Variants in NR1H3 observed in about 807,000 individuals in gnomAD.
NR1H3 encodes the protein oxysterols receptor LXR-alpha.
Under a neutral mutation model 48.1 loss-of-function variants are expected in NR1H3, and 19 were observed. The observed-to-expected ratio is 0.40, with a 90% CI of 0.28 to 0.58. The LOEUF (loss-of-function observed/expected upper bound fraction) is 0.58. NR1H3 is among the 20% of genes least tolerant of loss of function. The pLI, the probability that NR1H3 is intolerant of heterozygous loss-of-function variation, is 0.50. For missense variants in NR1H3, 486 were observed against 595.9 expected (o/e 0.82, Z 1.92); for synonymous variants, 232 against 227.3 (o/e 1.02, Z -0.19).
upstream of NR1H3, among the ~76,000 whole-genome samples, chr11:47,254,770 C>T (rs1017926961): frequency 2.3e-4 from 35 of 152,166 alleles, no homozygotes; most frequent in African/African-American, 8.2e-4. Context: ...CTCTCCCACC[C>T]TGTGCTTCCT....
At chr11:47,257,155 G>A (rs1955261213), upstream of NR1H3, among the ~76,000 whole-genome samples, 1 of 152,188 alleles carries the variant, frequency 6.6e-6, no homozygotes, top group Non-Finnish European at 1.5e-5. Flanking sequence ...AAAATATGAT[G>A]TCTACTTTCA....
chr11:47,254,878 T>C (rs916814787), upstream of NR1H3, among the ~76,000 whole-genome samples: 1 of 152,206 alleles, frequency 6.6e-6, no homozygotes, highest in Non-Finnish European at 1.5e-5. Flanking sequence ...TCTTTCCCTG[T>C]TTCCTGTGTT....
chr11:47,268,105 G>A (rs1272562120), intron 8 of NR1H3, 79 bp downstream of exon 8: 2 of 1,214,448 alleles, frequency 1.6e-6, no homozygotes, highest in Middle Eastern at 2.2e-4. Context: ...TCGGTGGGGG[G>A]AGGGGGGTGG....
intron 1 of NR1H3, among the ~76,000 whole-genome samples, chr11:47,249,593 C>T (rs1162862468): frequency 2.0e-5 from 3 of 152,094 alleles, no homozygotes; most frequent in Non-Finnish European, 2.9e-5. Context: ...AAGGGACAGG[C>T]GCATATCATA....
chr11:47,258,610 A>G (rs1955472004), intron 1 of NR1H3: 1 of 152,404 alleles, frequency 6.6e-6, no homozygotes, highest in Non-Finnish European at 1.5e-5. Flanking sequence ...GTGTGACCAT[A>G]GTTACTTAAT....
chr11:47,251,618 A>T (rs1005445951), intron 1 of NR1H3, among the ~76,000 whole-genome samples: 50 of 152,274 alleles, frequency 3.3e-4, no homozygotes, highest in African/African-American at 1.1e-3. Context: ...TCTCAAAAAA[A>T]AAAATAAAAT....
chr11:47,248,316 A>C, upstream of NR1H3: 3 of 1,054,476 alleles, frequency 2.8e-6, no homozygotes, highest in Non-Finnish European at 4.0e-6. Context: ...AACTTAGCTA[A>C]GCAATGCTAC....
chr11:47,250,821 G>C (rs976677664), intron 1 of NR1H3, among the ~76,000 whole-genome samples: 2 of 152,228 alleles, frequency 1.3e-5, no homozygotes. Flanking sequence ...GAAGTGACTT[G>C]CCCAAATTCA....
chr11:47,249,195 G>A (rs1335285845), intron 1 of NR1H3, among the ~76,000 whole-genome samples: 1 of 152,180 alleles, frequency 6.6e-6, no homozygotes, highest in South Asian at 2.1e-4. Context: ...TGAGGCGAGG[G>A]ATGGGAAAGT....
At chr11:47,258,318 CTA>C (rs903936966) in intron 1 of NR1H3, 189 bp downstream of exon 1, 4 of 484,152 alleles carry the variant, frequency 8.3e-6, no homozygotes, top group Non-Finnish European at 1.1e-5. Context: ...AGGAGGTCCT[CTA>C]TGTGAATTGG....
chr11:47,259,154 G>GAGTA, intron 1 of NR1H3, 26 bp from the exon 2 acceptor site: 1 of 1,613,784 alleles, frequency 6.2e-7, no homozygotes, highest in African/African-American at 1.3e-5. Context: ...AGTTCTAGAA[G>GAGTA]AGTATAATCT....
intron 1 of NR1H3, among the ~76,000 whole-genome samples, chr11:47,249,415 C>G (rs367563690): frequency 2.0e-4 from 30 of 152,284 alleles, no homozygotes; most frequent in African/African-American, 7.0e-4. Flanking sequence ...AGTCCTTTCC[C>G]TGTCCTCCCT....
intron 6 of NR1H3, 61 bp downstream of exon 6, chr11:47,261,787 C>T: frequency 6.2e-7 from 1 of 1,610,430 alleles, no homozygotes; most frequent in South Asian, 1.1e-5. Context: ...GTGGGAGGGG[C>T]CTCCAGACAT....
At chr11:47,261,827 GC>G (rs1955905433) in intron 6 of NR1H3, 91 bp from the exon 7 acceptor site, 1 of 1,599,670 alleles carries the variant, frequency 6.3e-7, no homozygotes, top group Admixed American at 1.7e-5. Context: ...CTGCTGGGAA[GC>G]AGGGATGAGG....
At chr11:47,264,347 C>T (rs1225685848) in intron 7 of NR1H3, among the ~76,000 whole-genome samples, 2 of 152,224 alleles carry the variant, frequency 1.3e-5, no homozygotes, top group African/African-American at 4.8e-5. Context: ...GTGCCTCTTG[C>T]TCTCCCAACG....
At chr11:47,248,828 C>G, upstream of NR1H3, 1 of 1,558,020 alleles carries the variant, frequency 6.4e-7, no homozygotes, top group Non-Finnish European at 8.7e-7. Flanking sequence ...CTGGAACCCG[C>G]TGGGTGGCAC....
chr11:47,268,422 T>C (rs756456475), intron 9 of NR1H3, 67 bp downstream of exon 9: 22 of 1,590,992 alleles, frequency 1.4e-5, no homozygotes, highest in Non-Finnish European at 1.8e-5. Flanking sequence ...ACATACCTAC[T>C]TTCCCTTCAA....
intron 6 of NR1H3, 43 bp downstream of exon 6, chr11:47,261,769 G>A (rs1955898226): frequency 6.2e-7 from 1 of 1,613,584 alleles, no homozygotes; most frequent in Non-Finnish European, 8.5e-7. Context: ...AGCAGAGTGG[G>A]ATTATCTGTG....
chr11:47,251,559 C>T (rs1386052024), intron 1 of NR1H3, among the ~76,000 whole-genome samples: 1 of 151,978 alleles, frequency 6.6e-6, no homozygotes, highest in Non-Finnish European at 1.5e-5. Flanking sequence ...CTGCCGTGAG[C>T]CGAGATTGTG....
Sources: allele counts gnomAD v4.1 joint callset (sites outside exome capture counted in the v4.1 genomes callset), GRCh38; gene constraint gnomAD v4.1.1; transcripts MANE v1.5; gene names NCBI Gene and HGNC (gene_info 2026-07-23, HGNC 2026-07-21).